The following CD2AP variants were observed in gnomAD, a reference collection of about 807,000 sequenced individuals.
CD2AP encodes CD2 associated protein.
CD2AP carries 46 observed loss-of-function variants against 85.1 expected under a neutral mutation model. The observed-to-expected ratio is 0.54, with a 90% CI of 0.43 to 0.69. CD2AP has a LOEUF of 0.69. Among genes scored for constraint, CD2AP ranks in the 30% least tolerant of loss-of-function variants. The pLI, the probability that CD2AP is intolerant of heterozygous loss-of-function variation, is 0.00. For missense variants in CD2AP, 769 were observed against 729.5 expected (o/e 1.05, Z -0.62); for synonymous variants, 255 against 252.9 (o/e 1.01, Z -0.08).
Position 47,624,438 on chromosome 6 carries a change from T to G in CD2AP, c.*211T>G. 1.9e-6 allele frequency: 1 copy of G among 517,928 alleles called. No individual in the cohort carries two copies. The highest frequency in any genetic ancestry group is 3.0e-5 in the South Asian group (1 of 33,526). 32.1% of individuals were successfully genotyped at this position (517,928 alleles called of 1,614,324 possible). ...AGAAAAAGAGGCCTTATTTCTTAAC[T>G]GTGCTGGGATTGCAAACACTTTTTA... On this transcript the variant is annotated 3_prime_UTR_variant, in exon 18 of 18. Coordinates refer to ENST00000359314, the MANE Select transcript of CD2AP (RefSeq NM_012120.3).
Position 47,533,667 on chromosome 6 carries a change from T to C in CD2AP, c.231T>C (p.Asn77=), listed in dbSNP as rs1226075920. ...CCATCAAACGGGAAAGGCATGGGAA[T>C]GTAGCAAGTCTTGTACAACGAATAA... ...SLPIKRERHG[N]VASLVQRIST... Residue 77 remains asparagine (N), a synonymous_variant, in exon 3 of 18, where the codon AAT becomes AAC. Coordinates refer to ENST00000359314, the MANE Select transcript of CD2AP (RefSeq NM_012120.3). The C allele has an allele frequency of 1.2e-6, 2 of 1,614,158 alleles. No homozygotes were observed. Among genetic ancestry groups the C allele is most frequent in the South Asian group, 1.1e-5 (1 of 91,084 alleles).
At chr6:47,504,377 GTTTAT>G (rs1351260692) in intron 2 of CD2AP, among the ~76,000 whole-genome samples, 1 of 152,118 alleles carries the variant, frequency 6.6e-6, no homozygotes, top group Non-Finnish European at 1.5e-5. Context: ...ATAAACTTGT[GTTTAT>G]TTTAGTTGTG....
chr6:47,590,473 A>G (rs184097982), intron 11 of CD2AP, among the ~76,000 whole-genome samples: 158 of 152,250 alleles, frequency 1.0e-3, no homozygotes, highest in Non-Finnish European at 1.9e-3. Context: ...AATATGGTTG[A>G]CTCTTGAACA....
At chr6:47,603,070 T>A (rs997709540) in intron 13 of CD2AP, among the ~76,000 whole-genome samples, 3 of 152,046 alleles carry the variant, frequency 2.0e-5, no homozygotes, top group African/African-American at 7.2e-5. Context: ...CAGAAATAAT[T>A]TATGGTGGAA....
Position 47,567,328 on chromosome 6 carries a change from G to A in CD2AP, c.542-6736G>A, listed in dbSNP as rs753948211. Among the ~76,000 whole-genome samples the A allele has an allele frequency of 3.0e-4, 46 of 151,936 alleles. 2 individuals are homozygous for A. Among genetic ancestry groups the A allele is most frequent in the Non-Finnish European group, 4.4e-5 (3 of 67,980 alleles). ...AATCTGAAATTTAAAAGTCAAAGCC[G>A]GCAAAGGGAAATTCTAGATATAAAT... On this transcript the variant is annotated intron_variant, in intron 5 of 17. Coordinates refer to ENST00000359314, the MANE Select transcript of CD2AP (RefSeq NM_012120.3).
chr6:47,597,960 A>C (rs553587337), intron 12 of CD2AP, among the ~76,000 whole-genome samples: 1 of 151,054 alleles, frequency 6.6e-6, no homozygotes, highest in East Asian at 1.9e-4. Flanking sequence ...TACCACATGC[A>C]GCAGTAGTCA....
intron 2 of CD2AP, among the ~76,000 whole-genome samples, chr6:47,533,323 C>T (rs979537725): frequency 2.6e-5 from 4 of 151,924 alleles, no homozygotes; most frequent in African/African-American, 9.7e-5. Flanking sequence ...CTTTGTATCT[C>T]AGTGTTTCTT....
At chr6:47,546,387 C>T (rs1767365256) in intron 4 of CD2AP, among the ~76,000 whole-genome samples, 1 of 151,960 alleles carries the variant, frequency 6.6e-6, no homozygotes, top group Non-Finnish European at 1.5e-5. Flanking sequence ...AGTTGGCCTT[C>T]TTGAGGAAGA....
At chr6:47,594,784 A>G (rs914325429) in intron 11 of CD2AP, among the ~76,000 whole-genome samples, 1 of 152,012 alleles carries the variant, frequency 6.6e-6, no homozygotes, top group Non-Finnish European at 1.5e-5. Context: ...GATTCAAAGT[A>G]TTAAATAAGT....
intron 5 of CD2AP, among the ~76,000 whole-genome samples, chr6:47,557,345 C>T (rs1767725573): frequency 6.6e-6 from 1 of 152,040 alleles, no homozygotes; most frequent in South Asian, 2.1e-4. Context: ...TCCCATTTGT[C>T]AATTTTGGCT....
At chr6:47,591,792 TA>T (rs536407854) in intron 11 of CD2AP, among the ~76,000 whole-genome samples, 3 of 152,078 alleles carry the variant, frequency 2.0e-5, no homozygotes, top group Admixed American at 6.6e-5. Context: ...ACATTTTTGT[TA>T]AAAAAATTAT....
At chr6:47,582,767 T>G (rs1483240127) in intron 11 of CD2AP, among the ~76,000 whole-genome samples, 1 of 150,354 alleles carries the variant, frequency 6.7e-6, no homozygotes, top group Non-Finnish European at 1.5e-5. Flanking sequence ...GTTGCCAGGA[T>G]CATGTTTTTT....
At chr6:47,499,540 A>T (rs948394268) in intron 1 of CD2AP, among the ~76,000 whole-genome samples, 1 of 152,040 alleles carries the variant, frequency 6.6e-6, no homozygotes, top group South Asian at 2.1e-4. Flanking sequence ...TTACAGTTTG[A>T]TTAGTCTTCC....
chr6:47,528,261 G>A (rs571411610), intron 2 of CD2AP, among the ~76,000 whole-genome samples: 4 of 152,242 alleles, frequency 2.6e-5, no homozygotes, highest in South Asian at 4.2e-4. Context: ...TGCAACCTCC[G>A]CCTCCTGGGT....
At chr6:47,559,056 G>A (rs1200885576) in intron 5 of CD2AP, among the ~76,000 whole-genome samples, 2 of 151,988 alleles carry the variant, frequency 1.3e-5, no homozygotes, top group Non-Finnish European at 2.9e-5. Flanking sequence ...GTCTTGGGAA[G>A]GTTTATGTGT....
chr6:47,609,124 C>T lies in CD2AP; in HGVS notation c.1634C>T (p.Pro545Leu). 6.3e-7 allele frequency: 1 copy of T among 1,593,296 alleles called. No homozygotes were observed. Among genetic ancestry groups the T allele is most frequent in the Non-Finnish European group, 8.5e-7 (1 of 1,171,304 alleles). The change falls in exon 16 of 18, where the codon CCA (proline) becomes CTA (leucine). Residue 545 changes from proline (P) to leucine (L), a missense_variant and splice_region_variant. Pro to Leu is a moderately conservative substitution (Grantham distance 98). Transcript: ENST00000359314. ...GAAATTTTTTTTTTACGTTTTCAGC[C>T]ATCTGTGTACCTTTCAACACCTTCC... The part of the protein sequence containing the change: ...LKKDTCYSPK[P>L]SVYLSTPSSA...
intron 13 of CD2AP, among the ~76,000 whole-genome samples, chr6:47,602,385 C>T (rs888243037): frequency 1.3e-5 from 2 of 151,830 alleles, no homozygotes; most frequent in African/African-American, 4.8e-5. Context: ...AATCTCAGTG[C>T]CACTACTAAT....
chr6:47,547,138 C>A (rs1767384371), intron 4 of CD2AP, among the ~76,000 whole-genome samples: 1 of 151,762 alleles, frequency 6.6e-6, no homozygotes, highest in South Asian at 2.1e-4. Flanking sequence ...AGACAAAAAA[C>A]AAAAAAACTC....
At chr6:47,595,198 T>C (rs767046879) in intron 11 of CD2AP, among the ~76,000 whole-genome samples, 37 of 152,034 alleles carry the variant, frequency 2.4e-4, no homozygotes, top group Non-Finnish European at 4.6e-4. Context: ...TTTATTGACA[T>C]AGTATAAAAT....
Sources: allele counts gnomAD v4.1 joint callset (sites outside exome capture counted in the v4.1 genomes callset), GRCh38; gene constraint gnomAD v4.1.1; transcripts MANE v1.5; gene names NCBI Gene and HGNC (gene_info 2026-07-23, HGNC 2026-07-21).